Variants in SLC35F1 observed in about 807,000 individuals in gnomAD.
The protein encoded by SLC35F1 is chromosome 6 open reading frame 169.
In SLC35F1, 14 loss-of-function variants were observed where a neutral mutation model predicts 48.7. That is an observed-to-expected ratio of 0.29 (90% confidence interval 0.19 to 0.45). SLC35F1 has a LOEUF of 0.45. Among genes scored for constraint, SLC35F1 ranks in the 20% least tolerant of loss-of-function variants. The pLI, the probability that SLC35F1 is intolerant of heterozygous loss-of-function variation, is 1.00. For missense variants in SLC35F1, 404 were observed against 500.0 expected, an observed-to-expected ratio of 0.81 and a Z score of 1.83; for synonymous variants, 190 against 202.2, an observed-to-expected ratio of 0.94 and a Z score of 0.51.
At chr6:118,065,457 CTG>C (rs1197611081) in intron 1 of SLC35F1, among the ~76,000 whole-genome samples, 1 of 152,040 alleles carries the variant, frequency 6.6e-6, no homozygotes, top group Admixed American at 6.6e-5. Context: ...AAGTAGAAAA[CTG>C]TAAAAATTTG....
intron 2 of SLC35F1, among the ~76,000 whole-genome samples, chr6:118,230,914 T>A (rs1447984530): frequency 2.0e-5 from 3 of 152,130 alleles, no homozygotes; most frequent in Non-Finnish European, 4.4e-5. Context: ...AGAGCCATGG[T>A]CACGCCACTG....
intron 1 of SLC35F1, among the ~76,000 whole-genome samples, chr6:118,033,735 A>G (rs1290224668): frequency 2.0e-5 from 3 of 152,138 alleles, no homozygotes; most frequent in Admixed American, 6.6e-5. Context: ...CCACAGCAGC[A>G]AGAAGAGGGG....
At chr6:118,082,582 ATT>A (rs58010546) in intron 1 of SLC35F1, among the ~76,000 whole-genome samples, 1 of 145,928 alleles carries the variant, frequency 6.9e-6, no homozygotes. Flanking sequence ...CAAAGAAGGG[ATT>A]TTTTTTTTTT....
chr6:118,290,378 A>G (rs17079974), intron 7 of SLC35F1, among the ~76,000 whole-genome samples: 4 of 152,242 alleles, frequency 2.6e-5, no homozygotes, highest in Admixed American at 2.6e-4. Context: ...CAATATTAGG[A>G]CATAGACATA....
At chr6:118,128,674 G>C (rs551725775) in intron 1 of SLC35F1, among the ~76,000 whole-genome samples, 31 of 152,008 alleles carry the variant, frequency 2.0e-4, no homozygotes, top group African/African-American at 7.0e-4. Context: ...GGTGGGAGGA[G>C]GGGGGAGGGA....
intron 3 of SLC35F1, among the ~76,000 whole-genome samples, chr6:118,256,151 C>T (rs1775640212): frequency 6.6e-6 from 1 of 151,724 alleles, no homozygotes; most frequent in East Asian, 1.9e-4. Context: ...ATGTATGTTC[C>T]ACAAAATATT....
In SLC35F1 at chr6:118,298,261, C is replaced by A. The variant is rs910049081; in HGVS notation, c.1002+12923C>A. On this transcript the variant is annotated intron_variant, in intron 7 of 7. Coordinates refer to ENST00000360388, the MANE Select transcript of SLC35F1 (RefSeq NM_001029858.4). The stretch of plus-strand genomic sequence containing the variant: ...CCAGTCCTTTTTCAATATCGTGAGT[C>A]ACTGGATTTTATCATTTAAGGAGTT... Among the ~76,000 whole-genome samples, 7 of 152,248 alleles carry A rather than the reference C, an allele frequency of 4.6e-5. No homozygotes were observed. The East Asian group carries it at 5.8e-4, about 13-fold the overall frequency.
intron 1 of SLC35F1, among the ~76,000 whole-genome samples, chr6:118,099,070 A>G (rs1269410553): frequency 6.6e-6 from 1 of 152,216 alleles, no homozygotes; most frequent in Non-Finnish European, 1.5e-5. Context: ...GGAATTCAGA[A>G]GAGATCTTGC....
chr6:118,224,120 G>A (rs1239317440), intron 2 of SLC35F1, among the ~76,000 whole-genome samples: 3 of 152,138 alleles, frequency 2.0e-5, no homozygotes, highest in South Asian at 4.1e-4. Flanking sequence ...CCCCTCAGCA[G>A]GCTCACCCTA....
chr6:118,197,616 T>C (rs1774819672), intron 2 of SLC35F1, among the ~76,000 whole-genome samples: 1 of 152,160 alleles, frequency 6.6e-6, no homozygotes, highest in Non-Finnish European at 1.5e-5. Flanking sequence ...TCCTGCCTCC[T>C]GAGGCTTTGG....
At chr6:117,984,296 G>C (rs1333938138) in intron 1 of SLC35F1, among the ~76,000 whole-genome samples, 1 of 152,104 alleles carries the variant, frequency 6.6e-6, no homozygotes, top group East Asian at 1.9e-4. Context: ...CACGAGGTCA[G>C]GAGATCACCT....
chr6:118,193,168 G>A (rs1774755317), intron 2 of SLC35F1, among the ~76,000 whole-genome samples: 1 of 152,048 alleles, frequency 6.6e-6, no homozygotes, highest in Admixed American at 6.6e-5. Flanking sequence ...TTTCACCCTT[G>A]CATTAGTGTA....
intron 2 of SLC35F1, among the ~76,000 whole-genome samples, chr6:118,178,477 C>T (rs1774525530): frequency 6.6e-6 from 1 of 152,012 alleles, no homozygotes; most frequent in Admixed American, 6.6e-5. Flanking sequence ...TGAATATCAG[C>T]ATATTTTATC....
At chr6:118,047,250 G>A (rs1479564131) in intron 1 of SLC35F1, among the ~76,000 whole-genome samples, 2 of 152,088 alleles carry the variant, frequency 1.3e-5, no homozygotes, top group African/African-American at 4.8e-5. Context: ...TTATTCTGTT[G>A]TTCTTATCTT....
At chr6:118,051,037 T>G (rs370770083) in intron 1 of SLC35F1, among the ~76,000 whole-genome samples, 3 of 152,138 alleles carry the variant, frequency 2.0e-5, no homozygotes, top group African/African-American at 7.2e-5. Context: ...TATACAAAAA[T>G]TGTACATACT....
chr6:118,148,638 A>C (rs1774010524), intron 1 of SLC35F1, among the ~76,000 whole-genome samples: 1 of 152,208 alleles, frequency 6.6e-6, no homozygotes, highest in South Asian at 2.1e-4. Context: ...AAAGAAGATG[A>C]AAATGTGTAT....
At chr6:118,268,575 C>CATATATATGTAT (rs1185887243) in intron 4 of SLC35F1, among the ~76,000 whole-genome samples, 1 of 95,542 alleles carries the variant, frequency 1.0e-5, no homozygotes, top group Non-Finnish European at 2.3e-5. Context: ...GTTCTAAAGT[C>CATATATATGTAT]ATATATATGT....
At chr6:117,945,860 G>A (rs190298363) in intron 1 of SLC35F1, among the ~76,000 whole-genome samples, 1 of 152,302 alleles carries the variant, frequency 6.6e-6, no homozygotes, top group Admixed American at 6.5e-5. Flanking sequence ...GTCCCCCAGA[G>A]TGAACTTTTA....
chr6:118,176,240 C>T (rs1774487526), intron 2 of SLC35F1, among the ~76,000 whole-genome samples: 1 of 152,060 alleles, frequency 6.6e-6, no homozygotes, highest in African/African-American at 2.4e-5. Context: ...GCTAAATATC[C>T]CCATTCCCCT....
Sources: allele counts gnomAD v4.1 joint callset (sites outside exome capture counted in the v4.1 genomes callset), GRCh38; gene constraint gnomAD v4.1.1; transcripts MANE v1.5; gene names NCBI Gene and HGNC (gene_info 2026-07-23, HGNC 2026-07-21).